The following FSTL5 variants were observed in gnomAD, a reference collection of about 807,000 sequenced individuals.
FSTL5 encodes follistatin like 5, also known as follistatin-related protein 5.
In FSTL5, 62 loss-of-function variants were observed where a neutral mutation model predicts 89.1. That is an observed-to-expected ratio of 0.70 (90% CI 0.57 to 0.86). The LOEUF (loss-of-function observed/expected upper bound fraction) is 0.86. Ranked by LOEUF, FSTL5 falls within the 40% of genes least tolerant of loss-of-function variation. The pLI is 0.00. For synonymous variants in FSTL5, 383 were observed against 346.2 expected (o/e 1.11, Z -1.18); for missense variants, 1,057 against 1,001.6 (o/e 1.06, Z -0.75).
intron 6 of FSTL5, among the ~76,000 whole-genome samples, chr4:161,709,401 A>C (rs991773917): frequency 6.6e-6 from 1 of 152,226 alleles, no homozygotes; most frequent in Admixed American, 6.6e-5. Context: ...TCATTTGTTT[A>C]AAGTTCTTCT....
At chr4:161,501,628 T>A (rs560650197) in intron 11 of FSTL5, among the ~76,000 whole-genome samples, 2 of 152,142 alleles carry the variant, frequency 1.3e-5, no homozygotes, top group Admixed American at 1.3e-4. Flanking sequence ...ATAGATGTAA[T>A]CTTTAATAGT....
At chr4:161,475,376 G>T (rs79847143) in intron 13 of FSTL5, among the ~76,000 whole-genome samples, 1 of 151,900 alleles carries the variant, frequency 6.6e-6, no homozygotes, top group South Asian at 2.1e-4. Context: ...TGGGACTGCC[G>T]CAGTGCATAT....
At chr4:161,410,176 C>T (rs1032195638) in intron 15 of FSTL5, among the ~76,000 whole-genome samples, 1 of 152,092 alleles carries the variant, frequency 6.6e-6, no homozygotes, top group Admixed American at 6.6e-5. Flanking sequence ...CACCAGGAAG[C>T]CTTAACTATT....
At chr4:161,664,057 C>T (rs938933398) in intron 6 of FSTL5, among the ~76,000 whole-genome samples, 1 of 152,206 alleles carries the variant, frequency 6.6e-6, no homozygotes, top group Non-Finnish European at 1.5e-5. Flanking sequence ...GCTCAAAGCA[C>T]AGAGTCCCAG....
At position 161,641,584 on chromosome 4, in the gene FSTL5, C is replaced by T. The variant is rs559130304; in HGVS notation, c.894+14744G>A. Among the ~76,000 whole-genome samples the T allele has an allele frequency of 3.3e-5, 5 of 151,560 alleles. No homozygotes were observed. The East Asian group carries it at 7.8e-4, about 24-fold the overall frequency. On this transcript the variant is annotated intron_variant, in intron 7 of 15. Coordinates refer to ENST00000306100, the MANE Select transcript of FSTL5 (RefSeq NM_020116.5). Reference sequence around the variant, plus strand: ...TCGGCTCACTGTAACCTCCACCTCCCGGGTTCAAGCGATTCTCCTCCCTCA... The same window carrying T: ...TCGGCTCACTGTAACCTCCACCTCCTGGGTTCAAGCGATTCTCCTCCCTCA...
intron 5 of FSTL5, among the ~76,000 whole-genome samples, chr4:161,764,960 T>C (rs537656944): frequency 6.6e-6 from 1 of 152,348 alleles, no homozygotes; most frequent in East Asian, 1.9e-4. Context: ...AGTACTAATT[T>C]TGTAATTGTA....
At chr4:161,666,929 G>T (rs1736918413) in intron 6 of FSTL5, among the ~76,000 whole-genome samples, 1 of 151,980 alleles carries the variant, frequency 6.6e-6, no homozygotes, top group South Asian at 2.1e-4. Context: ...ATGAGTAAAA[G>T]ACTTTTCAAT....
chr4:161,552,055 C>T (rs1732235656), intron 8 of FSTL5, among the ~76,000 whole-genome samples: 1 of 151,920 alleles, frequency 6.6e-6, no homozygotes, highest in Admixed American at 6.6e-5. Flanking sequence ...AGGCAACCTA[C>T]AAAATGGGAG....
chr4:161,521,766 G>A (rs1007111932), intron 10 of FSTL5, among the ~76,000 whole-genome samples: 3 of 145,328 alleles, frequency 2.1e-5, no homozygotes, highest in Admixed American at 1.4e-4. Context: ...GGAGAATGGC[G>A]TGAACCCGGA....
At chr4:161,969,263 C>G (rs1259326135) in intron 3 of FSTL5, among the ~76,000 whole-genome samples, 1 of 151,934 alleles carries the variant, frequency 6.6e-6, no homozygotes, top group African/African-American at 2.4e-5. Flanking sequence ...GTCTCCATTA[C>G]TTTACTATTT....
chr4:161,631,958 T>A (rs1304831685), intron 7 of FSTL5, among the ~76,000 whole-genome samples: 1 of 152,180 alleles, frequency 6.6e-6, no homozygotes, highest in Non-Finnish European at 1.5e-5. Flanking sequence ...TTCCTTCAAT[T>A]TAGAAGTACA....
At chr4:161,825,590 T>TTA (rs1368386016) in intron 4 of FSTL5, among the ~76,000 whole-genome samples, 3 of 152,126 alleles carry the variant, frequency 2.0e-5, no homozygotes, top group Non-Finnish European at 2.9e-5. Context: ...TGTTCAGAAT[T>TTA]TATATATATT....
chr4:161,502,562 AAAAT>A (rs1162717158), intron 11 of FSTL5, among the ~76,000 whole-genome samples: 2 of 151,964 alleles, frequency 1.3e-5, no homozygotes, highest in Non-Finnish European at 2.9e-5. Flanking sequence ...TAGCGATTAT[AAAAT>A]AAATGCCTAT....
intron 1 of FSTL5, among the ~76,000 whole-genome samples, chr4:162,128,313 T>G (rs937464207): frequency 2.0e-5 from 3 of 152,216 alleles, no homozygotes; most frequent in Admixed American, 6.5e-5. Context: ...TGAATGTTTC[T>G]GTCTCACGCA....
intron 6 of FSTL5, among the ~76,000 whole-genome samples, chr4:161,659,151 T>TA (rs1445019172): frequency 2.0e-5 from 3 of 152,190 alleles, no homozygotes; most frequent in Non-Finnish European, 4.4e-5. Flanking sequence ...CTAGGAATAT[T>TA]AACATGCACA....
At chr4:161,880,574 GT>G (rs1370602508) in intron 4 of FSTL5, among the ~76,000 whole-genome samples, 2 of 152,064 alleles carry the variant, frequency 1.3e-5, no homozygotes, top group Non-Finnish European at 2.9e-5. Context: ...AAAAATGTAT[GT>G]CCACACAAAA....
intron 6 of FSTL5, among the ~76,000 whole-genome samples, chr4:161,747,331 A>G (rs1006184608): frequency 2.0e-5 from 3 of 152,176 alleles, no homozygotes; most frequent in Non-Finnish European, 2.9e-5. Flanking sequence ...TCTCTCTTCA[A>G]TCTCTCCCCA....
chr4:162,108,653 TAA>T (rs1169320083), intron 2 of FSTL5, among the ~76,000 whole-genome samples: 1 of 151,806 alleles, frequency 6.6e-6, no homozygotes, highest in South Asian at 2.1e-4. Context: ...AAATAATGAA[TAA>T]GAGAAAATTA....
rs1733798733 is a variant in FSTL5 at position 162,163,982 on chromosome 4, C to G, written c.-384G>C. The G allele has an allele frequency of 6.6e-6, 1 of 152,376 alleles. No individual in the cohort carries two copies. The highest frequency in any genetic ancestry group is 1.5e-5 in the Non-Finnish European group (1 of 68,210). 9.4% of individuals were successfully genotyped at this position (152,376 alleles called of 1,614,324 possible). On this transcript the variant is annotated 5_prime_UTR_variant, in exon 1 of 16. Coordinates refer to ENST00000306100, the MANE Select transcript of FSTL5 (RefSeq NM_020116.5). The stretch of plus-strand genomic sequence containing the variant: ...TGGACAGTACCAGCTCCTTTCACCT[C>G]CAGTTTGTCTCAGTCACTGAACCAG...
Sources: gnomAD v4.1 joint callset for allele counts (sites outside exome capture counted in the v4.1 genomes callset) on GRCh38, gnomAD v4.1.1 for gene constraint, MANE v1.5 for transcripts, NCBI Gene and HGNC (gene_info 2026-07-23, HGNC 2026-07-21) for gene names.